NRAP: variants seen among roughly 807,000 people sequenced by gnomAD.
The protein encoded by NRAP is nebulin related anchoring protein, also known as nebulin-related-anchoring protein.
NRAP carries 189 observed loss-of-function variants against 225.9 expected under a neutral mutation model. The observed-to-expected ratio is 0.84, with a 90% CI of 0.74 to 0.94. NRAP has a LOEUF of 0.94. Ranked by LOEUF, NRAP falls within the 40% of genes least tolerant of loss-of-function variation. NRAP has a pLI of 0.00. For missense variants in NRAP, 2,176 were observed against 2,168.7 expected (o/e 1.00, Z -0.07); for synonymous variants, 769 against 790.7 (o/e 0.97, Z 0.46).
In NRAP at chr10:113,604,870, G is replaced by A. The variant is rs781085088; in HGVS notation, c.3966C>T (p.Pro1322=). ...FVKERGKLIG[P]QSVRDDPRIQ... ...TCCGGGGGTCGTCTCTTACACTCTG[G>A]GGCCCTATGAGTTTCCCTCGCTCCT... Residue 1322 remains proline (P), a synonymous_variant, in exon 35 of 42, where the codon CCC becomes CCT. Transcript: ENST00000359988. The A allele has an allele frequency of 1.2e-6, 2 of 1,614,054 alleles. No homozygotes were observed. Among genetic ancestry groups the A allele is most frequent in the East Asian group, 2.2e-5 (1 of 44,872 alleles).
intron 21 of NRAP, among the ~76,000 whole-genome samples, chr10:113,625,368 A>T (rs930275008): frequency 1.3e-5 from 2 of 152,146 alleles, no homozygotes; most frequent in African/African-American, 4.8e-5. Flanking sequence ...GGGTACTGAC[A>T]CCAGGAAGTG....
intron 14 of NRAP, 59 bp from the exon 15 acceptor site, chr10:113,634,269 C>G: frequency 8.2e-7 from 1 of 1,222,838 alleles, no homozygotes; most frequent in Non-Finnish European, 1.2e-6. Flanking sequence ...ATTTGCTTAG[C>G]TCCCTCTCCC....
At chr10:113,594,080 G>T (rs1267159977) in intron 38 of NRAP, among the ~76,000 whole-genome samples, 1 of 152,158 alleles carries the variant, frequency 6.6e-6, no homozygotes, top group Non-Finnish European at 1.5e-5. Flanking sequence ...TTTAGATTCC[G>T]TAGGCGCTTT....
intron 3 of NRAP, 68 bp from the exon 4 acceptor site, chr10:113,657,642 C>A: frequency 1.1e-6 from 1 of 941,136 alleles, no homozygotes; most frequent in South Asian, 1.4e-5. Flanking sequence ...ACAAACAATT[C>A]CTAGCTAAAA....
intron 3 of NRAP, among the ~76,000 whole-genome samples, chr10:113,662,413 T>C (rs952349499): frequency 2.8e-5 from 3 of 107,332 alleles, no homozygotes; most frequent in African/African-American, 1.2e-4. Context: ...TCCTACTCTG[T>C]CTGCTATAGG....
Position 113,616,902 on chromosome 10 carries a change from C to A in NRAP, c.2973+553G>T, listed in dbSNP as rs182179578. Among the ~76,000 whole-genome samples the A allele has an allele frequency of 6.6e-5, 10 of 152,198 alleles. 1 individual carries two copies. Among genetic ancestry groups the A allele is most frequent in the African/African-American group, 2.2e-4 (9 of 41,528 alleles). ...CTTTAGTCTCCAGCCGACCCTGCAA[C>A]CCTGCACCCCAGCCAACCTTTCCCA... is the stretch of plus-strand genomic sequence containing the variant. On this transcript the variant is annotated intron_variant, in intron 26 of 41. Transcript: ENST00000359988.
rs1317632896 is a variant in NRAP at position 113,663,917 on chromosome 10, A to G, written c.-35T>C. ...GGAAGAGAGAGGACAAAGATAGGCA[A>G]CAGGCAAGAAATGCAAGGAGAACCC... is the stretch of plus-strand genomic sequence containing the variant. On this transcript the variant is annotated 5_prime_UTR_variant, in exon 1 of 42. Coordinates refer to ENST00000359988, the MANE Select transcript of NRAP (RefSeq NM_198060.4). The G allele has an allele frequency of 6.5e-7, 1 of 1,542,704 alleles. No individual in the cohort carries two copies. The highest frequency in any genetic ancestry group is 1.7e-5 in the Admixed American group (1 of 59,928).
chr10:113,619,665 C>T (rs1004470813), intron 25 of NRAP, among the ~76,000 whole-genome samples: 2 of 151,588 alleles, frequency 1.3e-5, no homozygotes, highest in Non-Finnish European at 2.9e-5. Context: ...AAGCTAACAA[C>T]CTGTGGGACT....
At chr10:113,612,518 T>C (rs887482545) in intron 29 of NRAP, 87 bp from the exon 30 acceptor site, 86 of 1,080,424 alleles carry the variant, frequency 8.0e-5, no homozygotes, top group Non-Finnish European at 1.1e-4. Flanking sequence ...AATGCAGTTG[T>C]CTGGAGGTAA....
intron 15 of NRAP, among the ~76,000 whole-genome samples, chr10:113,633,780 T>C (rs1049710482): frequency 1.6e-4 from 25 of 152,206 alleles, no homozygotes; most frequent in African/African-American, 5.5e-4. Flanking sequence ...TATTTACAGA[T>C]TACATTATAC....
intron 34 of NRAP, among the ~76,000 whole-genome samples, chr10:113,605,327 T>C (rs1846889097): frequency 6.6e-6 from 1 of 152,238 alleles, no homozygotes; most frequent in Non-Finnish European, 1.5e-5. Flanking sequence ...CCCAAAGCTA[T>C]GGACGTTATC....
Position 113,622,014 on chromosome 10 carries a change from A to C in NRAP, c.2624T>G (p.Leu875Arg). 1.9e-6 allele frequency: 3 copies of C among 1,614,234 alleles called. No homozygotes were observed. In the South Asian group the frequency reaches 3.3e-5, roughly 18 times the overall value. ...EDTKSQCHVS[L>R]DMVHLVHARK... ...GGCATGCACGAGGTGGACCATGTCC[A>C]GGGAGACGTGGCATTGGGATTTGGT... Residue 875 changes from leucine (L) to arginine (R), a missense_variant, in exon 24 of 42, where the codon CTG becomes CGG. Physicochemically the swap from Leu to Arg is moderately radical, Grantham distance 102. Coordinates refer to ENST00000359988, the MANE Select transcript of NRAP (RefSeq NM_198060.4).
chr10:113,660,339 T>A (rs1197845254), intron 3 of NRAP, among the ~76,000 whole-genome samples: 1 of 151,822 alleles, frequency 6.6e-6, no homozygotes, highest in Non-Finnish European at 1.5e-5. Context: ...CACACCTACA[T>A]ACACACATAT....
At position 113,650,546 on chromosome 10, in the gene NRAP, C is replaced by A; in HGVS notation, c.676-1G>T. On this transcript the variant is annotated splice_acceptor_variant, in intron 7 of 41. Transcript: ENST00000359988. LOFTEE classifies it high-confidence loss of function. Reference sequence around the variant, plus strand: ...GTTCATAGTCCTCTGTGTATCTCACCTGAAATGAAAAAACATGTGAATCAC... The same window carrying A: ...GTTCATAGTCCTCTGTGTATCTCACATGAAATGAAAAAACATGTGAATCAC... 1 of 1,597,788 alleles carries A rather than the reference C, an allele frequency of 6.3e-7. No homozygotes were observed. Among genetic ancestry groups the A allele is most frequent in the Non-Finnish European group, 8.6e-7 (1 of 1,165,122 alleles).
At chr10:113,644,329 T>A (rs1281357005) in intron 11 of NRAP, among the ~76,000 whole-genome samples, 1 of 152,092 alleles carries the variant, frequency 6.6e-6, no homozygotes, top group Non-Finnish European at 1.5e-5. Flanking sequence ...AGGTCCCATC[T>A]AGGTCTAGTG....
chr10:113,640,834 C>T (rs546571588), intron 13 of NRAP, among the ~76,000 whole-genome samples: 6 of 152,198 alleles, frequency 3.9e-5, no homozygotes, highest in East Asian at 1.9e-4. Context: ...ACTGGATTGA[C>T]GAAGCTAAAG....
chr10:113,627,516 G>A (rs193280030), intron 20 of NRAP, among the ~76,000 whole-genome samples: 3 of 152,288 alleles, frequency 2.0e-5, no homozygotes, highest in Admixed American at 1.3e-4. Flanking sequence ...GACAGACGGG[G>A]CTCTGATTGC....
intron 9 of NRAP, 82 bp downstream of exon 9, chr10:113,649,955 A>C: frequency 1.2e-6 from 1 of 801,094 alleles, no homozygotes; most frequent in Non-Finnish European, 2.2e-6. Flanking sequence ...CCCACCCCTG[A>C]TTAAATTGTC....
chr10:113,620,737 A>AGCAG, intron 24 of NRAP, 29 bp from the exon 25 acceptor site: 2 of 1,448,718 alleles, frequency 1.4e-6, no homozygotes, highest in Non-Finnish European at 1.9e-6. Context: ...AAAAAAAAAA[A>AGCAG]GCAGGCCATT....
Sources: gnomAD v4.1 joint callset for allele counts (sites outside exome capture counted in the v4.1 genomes callset) on GRCh38, gnomAD v4.1.1 for gene constraint, MANE v1.5 for transcripts, NCBI Gene and HGNC (gene_info 2026-07-23, HGNC 2026-07-21) for gene names.